Variants in TBC1D1 observed in about 807,000 individuals in gnomAD.
TBC1D1 encodes TBC1 domain family member 1, also known as TBC1 (tre-2/USP6, BUB2, cdc16) domain family, member 1.
TBC1D1 carries 89 observed loss-of-function variants against 125.6 expected under a neutral mutation model. The observed-to-expected ratio is 0.71, with a 90% CI of 0.60 to 0.85. TBC1D1 has a LOEUF of 0.85. Ranked by LOEUF, TBC1D1 falls within the 40% of genes least tolerant of loss-of-function variation. TBC1D1 has a pLI of 0.00. For missense variants in TBC1D1, 1,377 were observed against 1,469.2 expected, an observed-to-expected ratio of 0.94 and a Z score of 1.03; for synonymous variants, 565 against 564.1, an observed-to-expected ratio of 1.00 and a Z score of -0.02.
chr4:38,118,285 C>T, intron 17 of TBC1D1, 93 bp downstream of exon 19: 1 of 1,429,424 alleles, frequency 7.0e-7, no homozygotes, highest in Non-Finnish European at 9.7e-7. Flanking sequence ...TATTTTTATA[C>T]CTGTAGCTCT....
At chr4:37,980,443 T>A (rs945885373) in intron 2 of TBC1D1, among the ~76,000 whole-genome samples, 3 of 152,194 alleles carry the variant, frequency 2.0e-5, no homozygotes, top group African/African-American at 7.2e-5. Context: ...AACCTGTCAG[T>A]TTTGAGTATA....
intron 10 of TBC1D1, among the ~76,000 whole-genome samples, chr4:38,048,662 A>G (rs948924804): frequency 6.7e-6 from 1 of 149,490 alleles, no homozygotes; most frequent in Non-Finnish European, 1.5e-5. Context: ...ATTCTTGTTT[A>G]CTCTATTCCT....
chr4:38,025,580 A>C (rs1011541367), intron 6 of TBC1D1, among the ~76,000 whole-genome samples: 1 of 152,254 alleles, frequency 6.6e-6, no homozygotes, highest in Non-Finnish European at 1.5e-5. Flanking sequence ...TGAGATTGGC[A>C]GAGTGTCGAG....
chr4:37,984,966 T>TATGATATATAAGACTCCA (rs1439420469), intron 2 of TBC1D1, among the ~76,000 whole-genome samples: 2 of 152,152 alleles, frequency 1.3e-5, no homozygotes, highest in Non-Finnish European at 2.9e-5. Flanking sequence ...TATATATATT[T>TATGATATATAAGACTCCA]TCTTGAGATG....
intron 14 of TBC1D1, among the ~76,000 whole-genome samples, chr4:38,102,572 T>C (rs1760556133): frequency 6.6e-6 from 1 of 152,098 alleles, no homozygotes. Context: ...TCTGTTCTTA[T>C]GCTGTTAATT....
chr4:37,965,876 G>A (rs543405952), intron 2 of TBC1D1, among the ~76,000 whole-genome samples: 86 of 151,982 alleles, frequency 5.7e-4, no homozygotes, highest in Non-Finnish European at 1.1e-3. Context: ...TCAGCCTCCC[G>A]AGTAGCTGGT....
intron 2 of TBC1D1, among the ~76,000 whole-genome samples, chr4:38,012,845 G>A (rs1741796201): frequency 6.6e-6 from 1 of 152,180 alleles, no homozygotes; most frequent in African/African-American, 2.4e-5. Flanking sequence ...CCAGGCTGGA[G>A]TGCAGTGGCA....
At chr4:37,961,106 C>T in intron 2 of TBC1D1, 1 of 1,500,440 alleles carries the variant, frequency 6.7e-7, no homozygotes, top group Non-Finnish European at 9.2e-7. Flanking sequence ...TGTTTAACAA[C>T]ATAATAAATA....
rs1249186621 is a variant in TBC1D1, at chr4:38,139,132, GAAAC to G, written c.*1800_*1803del. ...AAAACATTGACTCTGCATCAAGAAA[GAAAC>G]AAGAAAGCAATAAAACAAGAAATAA... On this transcript the variant is annotated 3_prime_UTR_variant, in exon 20 of 20. Transcript: ENST00000261439. 1.3e-5 allele frequency: 2 copies of G among 151,086 alleles called. No individual in the cohort carries two copies. The highest frequency in any genetic ancestry group is 4.9e-5 in the African/African-American group (2 of 41,022). 9.4% of individuals were successfully genotyped at this position (151,086 alleles called of 1,614,324 possible).
chr4:38,091,421 A>G (rs1254475232), intron 13 of TBC1D1, among the ~76,000 whole-genome samples: 1 of 152,202 alleles, frequency 6.6e-6, no homozygotes, highest in Non-Finnish European at 1.5e-5. Flanking sequence ...TTGTGAAGGT[A>G]ATTTTAAAAG....
chr4:37,961,170 C>A, intron 2 of TBC1D1: 1 of 1,021,910 alleles, frequency 9.8e-7, no homozygotes, highest in Non-Finnish European at 1.4e-6. Context: ...CTCAGCTGTC[C>A]CTTGTTTCTA....
intron 2 of TBC1D1, among the ~76,000 whole-genome samples, chr4:37,956,181 T>A (rs1728900502): frequency 6.6e-6 from 1 of 152,022 alleles, no homozygotes; most frequent in South Asian, 2.1e-4. Context: ...CGGCTAATTT[T>A]TGTATTTTTT....
intron 2 of TBC1D1, among the ~76,000 whole-genome samples, chr4:37,968,863 C>T (rs112940524): frequency 2.1e-4 from 32 of 152,170 alleles, no homozygotes; most frequent in African/African-American, 7.2e-4. Context: ...AGCCTGGGGA[C>T]GAATTTCTAA....
intron 15 of TBC1D1, chr4:38,111,788 G>A (rs1762241807): frequency 3.6e-6 from 1 of 280,596 alleles, no homozygotes; most frequent in Non-Finnish European, 5.4e-6. Context: ...TGTAAAATAG[G>A]AAAACAGTGT....
intron 2 of TBC1D1, among the ~76,000 whole-genome samples, chr4:37,928,785 C>A (rs1722675564): frequency 6.6e-6 from 1 of 152,226 alleles, no homozygotes; most frequent in Non-Finnish European, 1.5e-5. Context: ...CTATTTCAAT[C>A]TTTTCTATTG....
chr4:38,020,736 A>C lies in TBC1D1; in HGVS notation c.1077+41A>C, dbSNP rs374149618. 2.3e-5 allele frequency: 36 copies of C among 1,558,642 alleles called. No individual in the cohort carries two copies. The African/African-American group carries it at 4.2e-4, about 18-fold the overall frequency. The stretch of plus-strand genomic sequence containing the variant: ...CAATTCTTACCTTGGAACCTTCTTT[A>C]CAAGGAATTTTAGCTCCACTGATTT... On this transcript the variant is annotated intron_variant, in intron 5 of 19. Coordinates refer to ENST00000261439, the MANE Select transcript of TBC1D1 (RefSeq NM_015173.4).
rs899988870 is a variant in TBC1D1 at position 38,137,590 on chromosome 4, G to A, written c.*255G>A. The A allele has an allele frequency of 2.7e-5, 11 of 407,424 alleles. No individual in the cohort carries two copies. Among genetic ancestry groups the A allele is most frequent in the South Asian group, 1.3e-4 (1 of 7,482 alleles). 25.2% of individuals were successfully genotyped at this position (407,424 alleles called of 1,614,324 possible). On this transcript the variant is annotated 3_prime_UTR_variant, in exon 20 of 20. Transcript: ENST00000261439. ...ACTGTACACAGTAGCTTTAGATGGC[G>A]TGGACGTGAATAAATGCAACTTATG...
At chr4:38,043,327 G>A (rs1475081331) in intron 8 of TBC1D1, among the ~76,000 whole-genome samples, 1 of 151,870 alleles carries the variant, frequency 6.6e-6, no homozygotes, top group Non-Finnish European at 1.5e-5. Context: ...GCTGGGTGTG[G>A]TAGCTCACTC....
chr4:37,906,136 C>G (rs917874955), intron 2 of TBC1D1, among the ~76,000 whole-genome samples: 2 of 151,374 alleles, frequency 1.3e-5, no homozygotes, highest in East Asian at 3.9e-4. Context: ...AATATTGTCT[C>G]GTCCCTTCTT....
Sources: allele counts gnomAD v4.1 joint callset (sites outside exome capture counted in the v4.1 genomes callset), GRCh38; gene constraint gnomAD v4.1.1; transcripts MANE v1.5; gene names NCBI Gene and HGNC (gene_info 2026-07-23, HGNC 2026-07-21).